FAM171B: variants seen among roughly 807,000 people sequenced by gnomAD.
The protein encoded by FAM171B is family with sequence similarity 171 member B.
Under a neutral mutation model 75.6 loss-of-function variants are expected in FAM171B, and 19 were observed. The observed-to-expected ratio is 0.25, with a 90% CI of 0.18 to 0.37. FAM171B has a LOEUF of 0.37. FAM171B is among the 10% of genes least tolerant of loss of function. The pLI, the probability that FAM171B is intolerant of heterozygous loss-of-function variation, is 1.00. For synonymous variants in FAM171B, 367 were observed against 361.7 expected (o/e 1.01, Z -0.17); for missense variants, 848 against 982.4 (o/e 0.86, Z 1.83).
In FAM171B at chr2:186,762,314, C is replaced by T. The variant is rs1197166966; in HGVS notation, c.1972C>T (p.Leu658Phe). The change falls in exon 8 of 8, where the codon CTC becomes TTC. Residue 658 changes from leucine (L) to phenylalanine (F), a missense_variant. By Grantham distance (22) the Leu-to-Phe change is conservative. Around this residue, in one of 3 missense-constraint regions of FAM171B, gnomAD observed 47 missense variants for 94.0 expected, o/e 0.50. Coordinates refer to ENST00000304698, the MANE Select transcript of FAM171B (RefSeq NM_177454.4). This position sits in a 1 kb window ranked among gnomAD's most constrained non-coding sequence, Gnocchi z 4.0. ...ACTTCAAGGAATTTCAGAACAGACC[C>T]TCCTGGAGCTGTCCAAAGGAAAGCC... ...SELQGISEQT[L>F]LELSKGKPSP... The T allele has an allele frequency of 1.2e-6, 2 of 1,613,586 alleles. No homozygotes were observed. The highest frequency in any genetic ancestry group is 1.7e-6 in the Non-Finnish European group (2 of 1,179,800).
intron 1 of FAM171B, among the ~76,000 whole-genome samples, chr2:186,720,060 C>T (rs56716258): frequency 8.4e-4 from 128 of 152,274 alleles, no homozygotes; most frequent in African/African-American, 2.4e-3. Context: ...TCTGTTGAGA[C>T]GGAGTCTCGC....
At chr2:186,737,842 A>C (rs1273555085) in intron 1 of FAM171B, among the ~76,000 whole-genome samples, 2 of 152,232 alleles carry the variant, frequency 1.3e-5, no homozygotes, top group Non-Finnish European at 2.9e-5. Context: ...GTAACTTGAA[A>C]GTGTTACAAG....
At chr2:186,714,391 G>T (rs1689849029) in intron 1 of FAM171B, among the ~76,000 whole-genome samples, 1 of 152,070 alleles carries the variant, frequency 6.6e-6, no homozygotes, top group Non-Finnish European at 1.5e-5. Context: ...CGTGACTTTT[G>T]TTAAAAGATG....
intron 3 of FAM171B, among the ~76,000 whole-genome samples, chr2:186,745,275 C>G (rs1456405426): frequency 2.0e-5 from 3 of 152,204 alleles, no homozygotes; most frequent in Admixed American, 2.0e-4. Context: ...TCTTCACAGT[C>G]CCTCTTCAGT....
At chr2:186,719,205 A>T (rs1370383661) in intron 1 of FAM171B, among the ~76,000 whole-genome samples, 1 of 152,216 alleles carries the variant, frequency 6.6e-6, no homozygotes, top group Non-Finnish European at 1.5e-5. Context: ...GGTGTGTCTC[A>T]TCTACTTAAA....
chr2:186,720,450 G>T (rs928102097), intron 1 of FAM171B, among the ~76,000 whole-genome samples: 1 of 151,924 alleles, frequency 6.6e-6, no homozygotes. Flanking sequence ...CTCCAGAATG[G>T]CTCCTACTGA....
intron 1 of FAM171B, among the ~76,000 whole-genome samples, chr2:186,725,932 T>C (rs769578821): frequency 4.6e-5 from 7 of 152,198 alleles, no homozygotes; most frequent in Non-Finnish European, 7.3e-5. Flanking sequence ...TTGATTTCCA[T>C]TGAGGAAAAT....
At chr2:186,722,995 A>G (rs1026132894) in intron 1 of FAM171B, among the ~76,000 whole-genome samples, 3 of 152,208 alleles carry the variant, frequency 2.0e-5, no homozygotes, top group African/African-American at 7.2e-5. Flanking sequence ...TATTAATTAT[A>G]TAAATAGTAA....
intron 1 of FAM171B, among the ~76,000 whole-genome samples, chr2:186,724,056 A>T (rs1378045482): frequency 6.6e-6 from 1 of 152,218 alleles, no homozygotes; most frequent in Non-Finnish European, 1.5e-5. Context: ...ATATGTGTTA[A>T]GAAGGTAGTA....
At chr2:186,759,257 C>G (rs1456134197) in intron 6 of FAM171B, among the ~76,000 whole-genome samples, 2 of 152,120 alleles carry the variant, frequency 1.3e-5, no homozygotes, top group African/African-American at 4.8e-5. Context: ...CTGCAATGAA[C>G]ATGGGCATGC....
At chr2:186,701,436 A>G (rs1234464423) in intron 1 of FAM171B, among the ~76,000 whole-genome samples, 4 of 152,146 alleles carry the variant, frequency 2.6e-5, no homozygotes, top group African/African-American at 9.7e-5. Context: ...GCTGTACCTT[A>G]GGTCTTTAGA....
intron 3 of FAM171B, among the ~76,000 whole-genome samples, chr2:186,746,804 A>AC (rs930453956): frequency 1.3e-5 from 2 of 152,110 alleles, no homozygotes; most frequent in African/African-American, 4.8e-5. Flanking sequence ...CAGAAATGAG[A>AC]CCCCAAATGA....
In FAM171B at chr2:186,762,766, T is replaced by C. The variant is rs1200758758; in HGVS notation, c.2424T>C (p.Asp808=). The stretch of plus-strand genomic sequence containing the variant: ...GCAGACCACCACTAGCCAAAAGAGA[T>C]AGCAAGACTAACATCTGGAAGAAGC... ...RRGRPPLAKR[D]SKTNIWKKRE... Residue 808 remains aspartate (D), a synonymous_variant, in exon 8 of 8, where the codon GAT becomes GAC. Coordinates refer to ENST00000304698, the MANE Select transcript of FAM171B (RefSeq NM_177454.4). This position sits in a 1 kb window ranked among gnomAD's most constrained non-coding sequence, Gnocchi z 4.0. 6.2e-6 allele frequency: 10 copies of C among 1,613,258 alleles called. No homozygotes were observed. Among genetic ancestry groups the C allele is most frequent in the African/African-American group, 2.7e-5 (2 of 74,960 alleles).
rs539798082 is a variant in FAM171B at position 186,697,641 on chromosome 2, C to T, written c.238+3230C>T. Among the ~76,000 whole-genome samples, 11 of 152,154 alleles carry T rather than the reference C, an allele frequency of 7.2e-5. No individual in the cohort carries two copies. The South Asian group carries it at 1.2e-3, about 17-fold the overall frequency. Reference sequence around the variant, plus strand: ...GATTGAGCTTGCATTCATTCTTTACCGCTGTATGATGCTTCTGATTCTTTG... The same window carrying T: ...GATTGAGCTTGCATTCATTCTTTACTGCTGTATGATGCTTCTGATTCTTTG... On this transcript the variant is annotated intron_variant, in intron 1 of 7. Transcript: ENST00000304698.
At chr2:186,753,070 A>T (rs1690479817) in intron 5 of FAM171B, among the ~76,000 whole-genome samples, 1 of 152,228 alleles carries the variant, frequency 6.6e-6, no homozygotes. Context: ...ATCAGATAAG[A>T]GCTATCTTAA....
chr2:186,746,225 A>G (rs1690363202), intron 3 of FAM171B, among the ~76,000 whole-genome samples: 1 of 152,240 alleles, frequency 6.6e-6, no homozygotes, highest in Non-Finnish European at 1.5e-5. Flanking sequence ...TAATGTTAGA[A>G]GATACTGAGA....
chr2:186,709,724 A>G (rs1224491168), intron 1 of FAM171B, among the ~76,000 whole-genome samples: 1 of 152,182 alleles, frequency 6.6e-6, no homozygotes, highest in Admixed American at 6.6e-5. Context: ...CCCCTAATGT[A>G]TCATGAAACG....
chr2:186,753,752 T>A (rs947810052), intron 5 of FAM171B, among the ~76,000 whole-genome samples, 181 bp from the exon 6 acceptor site: 10 of 152,136 alleles, frequency 6.6e-5, no homozygotes, highest in African/African-American at 2.2e-4. Context: ...TCACAACAAA[T>A]CATTCTAATT....
chr2:186,707,325 G>A (rs893342283), intron 1 of FAM171B, among the ~76,000 whole-genome samples: 10 of 152,186 alleles, frequency 6.6e-5, no homozygotes, highest in South Asian at 2.1e-4. Context: ...AGCAAACTCC[G>A]TTTAGGAGTC....
Sources: allele counts gnomAD v4.1 joint callset (sites outside exome capture counted in the v4.1 genomes callset), GRCh38; gene constraint gnomAD v4.1.1; regional missense constraint gnomAD v4.1.1; non-coding constraint Gnocchi (gnomAD v3.1); transcripts MANE v1.5; gene names NCBI Gene and HGNC (gene_info 2026-07-23, HGNC 2026-07-21).